DSG4: variants seen among roughly 807,000 people sequenced by gnomAD.
DSG4 encodes the protein desmoglein-4.
In DSG4, 87 loss-of-function variants were observed where a neutral mutation model predicts 93.1. That is an observed-to-expected ratio of 0.93 (90% CI 0.79 to 1.12). The LOEUF (loss-of-function observed/expected upper bound fraction) is 1.12. Among genes scored for constraint, DSG4 ranks in the 50% most tolerant of loss-of-function variants. The probability of loss-of-function intolerance (pLI) is 0.00; values close to 1 mark genes in which losing one functional copy is unlikely to be tolerated. For synonymous variants in DSG4, 432 were observed against 452.9 expected, an observed-to-expected ratio of 0.95 and a Z score of 0.59; for missense variants, 1,373 against 1,285.7, an observed-to-expected ratio of 1.07 and a Z score of -1.04.
chr18:31,379,920 G>A (rs1465455865), intron 1 of DSG4, among the ~76,000 whole-genome samples: 1 of 152,092 alleles, frequency 6.6e-6, no homozygotes, highest in African/African-American at 2.4e-5. Flanking sequence ...TTAAATGATT[G>A]GTTTCAGTAC....
intron 1 of DSG4, among the ~76,000 whole-genome samples, chr18:31,377,719 G>T (rs1404372720): frequency 3.9e-5 from 6 of 152,182 alleles, no homozygotes; most frequent in East Asian, 1.9e-4. Flanking sequence ...GAAGAACAAA[G>T]TTCCAGTTGG....
Position 31,390,231 on chromosome 18 carries a change from T to C in DSG4, c.518-425T>C, listed in dbSNP as rs919514020. On this transcript the variant is annotated intron_variant, in intron 5 of 15. Coordinates refer to ENST00000308128, the MANE Select transcript of DSG4 (RefSeq NM_177986.5). ...AAAGTGGCAATTAAGAATATAGGTG[T>C]TCAATACATAATTATAATGTTGCAT... Among the ~76,000 whole-genome samples the C allele has an allele frequency of 2.6e-5, 4 of 152,160 alleles. No homozygotes were observed. The South Asian group carries it at 8.3e-4, about 32-fold the overall frequency.
intron 14 of DSG4, 90 bp downstream of exon 14, chr18:31,409,898 G>C (rs1353070353): frequency 1.2e-5 from 17 of 1,420,794 alleles, no homozygotes; most frequent in Non-Finnish European, 1.5e-5. Context: ...TTATGGAAAA[G>C]TCTGTCAGTC....
chr18:31,385,937 G>A (rs573507451), intron 2 of DSG4, among the ~76,000 whole-genome samples: 10 of 152,060 alleles, frequency 6.6e-5, no homozygotes, highest in African/African-American at 1.4e-4. Context: ...CATATATATA[G>A]TTTATGCATG....
At chr18:31,405,281 A>G (rs961879233) in intron 11 of DSG4, among the ~76,000 whole-genome samples, 7 of 152,238 alleles carry the variant, frequency 4.6e-5, no homozygotes, top group African/African-American at 1.7e-4. Context: ...ATGATAGCAC[A>G]AAGAATTAGG....
Position 31,411,542 on chromosome 18 carries a change from T to C in DSG4, c.2355+94T>C, listed in dbSNP as rs3903775. ...ATGGTAGTAGGCCTCTTCGGAAATA[T>C]GCTGTTATTCTCAACCCTATCCCAA... is the stretch of plus-strand genomic sequence containing the variant. On this transcript the variant is annotated intron_variant, in intron 15 of 15. Transcript: ENST00000308128. 212,820 of 1,401,044 alleles carry C rather than the reference T, an allele frequency of 0.15. 17,051 individuals are homozygous for C. The highest frequency in any genetic ancestry group is 0.21 in the African/African-American group (14,706 of 70,282). The allele number at this position is 1,401,044 out of a possible 1,614,324, so 86.8% of individuals were successfully genotyped here. A position where few individuals can be genotyped will look rare whatever the true frequency, so the allele number is the denominator to read the frequency against.
In DSG4 at chr18:31,388,901, G is replaced by C; in HGVS notation, c.400G>C (p.Gly134Arg). 6.2e-7 allele frequency: 1 copy of C among 1,613,560 alleles called. No homozygotes were observed. The highest frequency in any genetic ancestry group is 8.5e-7 in the Non-Finnish European group (1 of 1,179,628). ...CTATTGCCGGGCTCTGAATTCACGG[G>C]GTGAAGATTTAGAAAGGCCTCTTGA... ...LIYCRALNSR[G>R]EDLERPLELR... The change falls in exon 5 of 16, where the codon GGT becomes CGT. Residue 134 changes from glycine (G) to arginine (R), a missense_variant. By Grantham distance (125) the Gly-to-Arg change is moderately radical (BLOSUM62 -2). Coordinates refer to ENST00000308128, the MANE Select transcript of DSG4 (RefSeq NM_177986.5).
At chr18:31,391,037 GA>G in intron 6 of DSG4, 40 bp from the exon 7 acceptor site, 1 of 1,611,764 alleles carries the variant, frequency 6.2e-7, no homozygotes, top group Non-Finnish European at 8.5e-7. Context: ...TTCTATTCAA[GA>G]CAAAACCTAA....
At chr18:31,396,795 G>A (rs926282775) in intron 8 of DSG4, among the ~76,000 whole-genome samples, 4 of 152,148 alleles carry the variant, frequency 2.6e-5, no homozygotes, top group Admixed American at 6.5e-5. Context: ...TGCCACCTTC[G>A]TGTCTCACTG....
rs1354094291 is a variant in DSG4, at chr18:31,403,616, G to A, written c.1618G>A (p.Asp540Asn). The change falls in exon 11 of 16, where the codon GAT (aspartate) becomes AAT (asparagine). Residue 540 changes from aspartate (D) to asparagine (N), a missense_variant. Transcript: ENST00000308128. Reference protein sequence around the residue: ...DEPPGIADMWDVRSTNATSAI... With the variant: ...DEPPGIADMWNVRSTNATSAI... ...GCCACCAGGAATAGCTGACATGTGG[G>A]ATGTCAGATCAACAAATGGTAAGTG... 5 of 1,613,840 alleles carry A rather than the reference G, an allele frequency of 3.1e-6. No individual in the cohort carries two copies. In the African/African-American group the frequency reaches 5.3e-5, roughly 17 times the overall value.
chr18:31,383,285 G>A (rs1439470888), intron 1 of DSG4, among the ~76,000 whole-genome samples: 2 of 152,112 alleles, frequency 1.3e-5, no homozygotes, highest in East Asian at 3.9e-4. Context: ...AGAAATTTGT[G>A]ATAAATCACA....
intron 10 of DSG4, among the ~76,000 whole-genome samples, chr18:31,402,175 C>T (rs372612897): frequency 1.3e-5 from 2 of 152,296 alleles, no homozygotes; most frequent in African/African-American, 4.8e-5. Context: ...AGAAACAAAG[C>T]TGATTGTTTA....
intron 1 of DSG4, among the ~76,000 whole-genome samples, chr18:31,377,723 C>T (rs1393878364): frequency 1.3e-5 from 2 of 152,150 alleles, no homozygotes; most frequent in Non-Finnish European, 2.9e-5. Context: ...AACAAAGTTC[C>T]AGTTGGCCAA....
Position 31,386,759 on chromosome 18 carries a change from C to T in DSG4, c.156C>T (p.Ile52=), listed in dbSNP as rs1414731304. 2 of 1,613,328 alleles carry T rather than the reference C, an allele frequency of 1.2e-6. No homozygotes were observed. ...QTVRRQKREW[I]KFAAACREGE... is the part of the protein sequence containing the mutation. Reference sequence around the variant, plus strand: ...TCAGAAGACAAAAGCGGGAGTGGATCAAGTTTGCCGCAGCCTGTCGAGAAG... The same window carrying T: ...TCAGAAGACAAAAGCGGGAGTGGATTAAGTTTGCCGCAGCCTGTCGAGAAG... Residue 52 remains isoleucine (I), a synonymous_variant, in exon 3 of 16, where the codon ATC becomes ATT. Transcript: ENST00000308128.
chr18:31,385,965 A>C (rs912934010), intron 2 of DSG4, among the ~76,000 whole-genome samples: 3 of 152,174 alleles, frequency 2.0e-5, no homozygotes, highest in Non-Finnish European at 2.9e-5. Context: ...ATAGGCTTGC[A>C]CATGTAGTGA....
In DSG4 at chr18:31,399,424, T is replaced by C. The variant is rs771430126; in HGVS notation, c.1158T>C (p.His386=). 1.2e-6 allele frequency: 2 copies of C among 1,614,098 alleles called. No homozygotes were observed. The highest frequency in any genetic ancestry group is 2.2e-5 in the East Asian group (1 of 44,872). The change falls in exon 9 of 16, where the codon CAT becomes CAC. Residue 386 remains histidine (H), a synonymous_variant. Coordinates refer to ENST00000308128, the MANE Select transcript of DSG4 (RefSeq NM_177986.5). ...VVDVREGPAF[H]PSTMAFSVRE... ...ATGTGAGAGAAGGACCTGCATTTCA[T>C]CCAAGTACTATGGCTTTTAGTGTGC...
In DSG4 at chr18:31,413,280, C is replaced by G. The variant is rs761963840; in HGVS notation, c.2808C>G (p.Thr936=). The change falls in exon 16 of 16, where the codon ACC becomes ACG. Residue 936 remains threonine, a synonymous_variant. Transcript: ENST00000308128. Reference sequence around the variant, plus strand: ...AGCTTGCACCCAATGTTGTAGTAACCGAAGCAGTAATGGCACCTGTCTATG... The same window carrying G: ...AGCTTGCACCCAATGTTGTAGTAACGGAAGCAGTAATGGCACCTGTCTATG... ...DPQLAPNVVV[T]EAVMAPVYDI... The G allele has an allele frequency of 3.8e-5, 62 of 1,613,944 alleles. No homozygotes were observed. The highest frequency in any genetic ancestry group is 5.0e-5 in the Non-Finnish European group (59 of 1,180,024).
intron 7 of DSG4, among the ~76,000 whole-genome samples, chr18:31,391,476 A>T (rs935238085): frequency 5.9e-5 from 9 of 152,200 alleles, no homozygotes; most frequent in African/African-American, 1.9e-4. Flanking sequence ...ACAGAAACAC[A>T]GAAATCTGTT....
At chr18:31,399,225 A>T in intron 8 of DSG4, 47 bp from the exon 9 acceptor site, 1 of 1,610,826 alleles carries the variant, frequency 6.2e-7, no homozygotes, top group South Asian at 1.1e-5. Flanking sequence ...CTTTATCGAA[A>T]GAGAGTTCTT....
Sources: allele counts gnomAD v4.1 joint callset (sites outside exome capture counted in the v4.1 genomes callset), GRCh38; gene constraint gnomAD v4.1.1; transcripts MANE v1.5; gene names NCBI Gene and HGNC (gene_info 2026-07-23, HGNC 2026-07-21).